Variants in ATG5 observed in about 807,000 individuals in gnomAD.
The protein encoded by ATG5 is autophagy protein 5.
Under a neutral mutation model 36.5 loss-of-function variants are expected in ATG5, and 14 were observed. That is an observed-to-expected ratio of 0.38 (90% confidence interval 0.25 to 0.60). The LOEUF (loss-of-function observed/expected upper bound fraction) is 0.60, where lower values mean the gene tolerates loss of function less well. Ranked by LOEUF, ATG5 falls within the 20% of genes least tolerant of loss-of-function variation. The pLI is 0.60. For missense variants in ATG5, 195 were observed against 326.7 expected, an observed-to-expected ratio of 0.60 and a Z score of 3.11; for synonymous variants, 95 against 101.5, an observed-to-expected ratio of 0.94 and a Z score of 0.38.
chr6:106,207,843 C>T (rs543911961), intron 6 of ATG5, among the ~76,000 whole-genome samples: 2 of 152,062 alleles, frequency 1.3e-5, no homozygotes, highest in Non-Finnish European at 2.9e-5. Flanking sequence ...CCTGTAATTC[C>T]AGCACTTTGG....
At chr6:106,306,858 A>G (rs1770466552) in intron 3 of ATG5, among the ~76,000 whole-genome samples, 1 of 152,210 alleles carries the variant, frequency 6.6e-6, no homozygotes. Context: ...TGAGAAATAA[A>G]AAGAAATGGG....
intron 1 of ATG5, among the ~76,000 whole-genome samples, chr6:106,319,265 A>G (rs755851969): frequency 6.6e-5 from 10 of 152,216 alleles, no homozygotes; most frequent in Non-Finnish European, 1.0e-4. Flanking sequence ...TTAAAAGTCA[A>G]CATTTAAAGA....
At chr6:106,245,398 T>C (rs1229600346) in intron 6 of ATG5, among the ~76,000 whole-genome samples, 3 of 152,144 alleles carry the variant, frequency 2.0e-5, no homozygotes, top group East Asian at 1.9e-4. Context: ...GTTCTGAAAA[T>C]TCTACAAACT....
At chr6:106,231,179 TTTAAA>T (rs1272978379) in intron 6 of ATG5, among the ~76,000 whole-genome samples, 1 of 152,204 alleles carries the variant, frequency 6.6e-6, no homozygotes. Context: ...TCTCTCAGAC[TTTAAA>T]TTAAAATAGA....
At chr6:106,262,748 G>T (rs977951982) in intron 5 of ATG5, among the ~76,000 whole-genome samples, 1 of 152,196 alleles carries the variant, frequency 6.6e-6, no homozygotes, top group Non-Finnish European at 1.5e-5. Context: ...CCCAGGATGT[G>T]CAAGAAGCCA....
intron 6 of ATG5, among the ~76,000 whole-genome samples, chr6:106,244,577 A>G (rs1224557084): frequency 2.6e-5 from 4 of 152,210 alleles, no homozygotes; most frequent in East Asian, 3.8e-4. Context: ...CTCCCAAACT[A>G]GAACAAATTC....
At chr6:106,198,497 C>T (rs1776290220) in intron 7 of ATG5, among the ~76,000 whole-genome samples, 2 of 152,092 alleles carry the variant, frequency 1.3e-5, no homozygotes, top group South Asian at 4.1e-4. Flanking sequence ...GAAGACAAGG[C>T]TGGGCATGGT....
chr6:106,216,956 G>A (rs1777063709), intron 6 of ATG5, among the ~76,000 whole-genome samples: 1 of 145,050 alleles, frequency 6.9e-6, no homozygotes, highest in Non-Finnish European at 1.5e-5. Flanking sequence ...CAAGTAAGCT[G>A]TTATTAAAAA....
chr6:106,274,820 CA>C (rs1260713067), intron 5 of ATG5, among the ~76,000 whole-genome samples: 2 of 152,054 alleles, frequency 1.3e-5, no homozygotes, highest in African/African-American at 2.4e-5. Flanking sequence ...GCTGGGGATA[CA>C]AAAATGTAAG....
chr6:106,287,660 A>T (rs1189572270), intron 4 of ATG5, among the ~76,000 whole-genome samples: 1 of 152,168 alleles, frequency 6.6e-6, no homozygotes, highest in Non-Finnish European at 1.5e-5. Flanking sequence ...TTTATTTAGG[A>T]TTTGCAACAG....
chr6:106,306,570 C>G (rs1770454634), intron 3 of ATG5, among the ~76,000 whole-genome samples: 1 of 152,128 alleles, frequency 6.6e-6, no homozygotes. Flanking sequence ...TTATCAAATT[C>G]AAAATGTCAG....
chr6:106,214,667 A>G (rs1231298624), intron 6 of ATG5, among the ~76,000 whole-genome samples: 1 of 152,192 alleles, frequency 6.6e-6, no homozygotes, highest in Non-Finnish European at 1.5e-5. Flanking sequence ...GTACTTTGTC[A>G]TACAAACACT....
At chr6:106,270,638 C>T (rs1779420578) in intron 5 of ATG5, among the ~76,000 whole-genome samples, 1 of 152,200 alleles carries the variant, frequency 6.6e-6, no homozygotes, top group African/African-American at 2.4e-5. Flanking sequence ...ATTATGCATT[C>T]TCCATCTGCT....
intron 7 of ATG5, among the ~76,000 whole-genome samples, chr6:106,194,600 G>A (rs1036638327): frequency 1.3e-5 from 2 of 151,296 alleles, no homozygotes; most frequent in Non-Finnish European, 2.9e-5. Context: ...CTGCAATGGC[G>A]CATTCCAGGT....
intron 6 of ATG5, among the ~76,000 whole-genome samples, chr6:106,226,133 C>A (rs1234178401): frequency 6.6e-6 from 1 of 152,114 alleles, no homozygotes; most frequent in Non-Finnish European, 1.5e-5. Context: ...CACACATAGG[C>A]CCCTGGCAAA....
intron 1 of ATG5, among the ~76,000 whole-genome samples, chr6:106,321,553 T>C (rs1015862109): frequency 2.0e-5 from 3 of 151,878 alleles, no homozygotes; most frequent in African/African-American, 7.3e-5. Flanking sequence ...AGAGACGGGA[T>C]TTCACCGTGT....
At chr6:106,269,026 T>G (rs1423716741) in intron 5 of ATG5, among the ~76,000 whole-genome samples, 3 of 152,160 alleles carry the variant, frequency 2.0e-5, no homozygotes, top group African/African-American at 7.2e-5. Flanking sequence ...TGCACATGTA[T>G]CCTAGAACTT....
intron 6 of ATG5, among the ~76,000 whole-genome samples, chr6:106,208,379 G>T (rs1384180381): frequency 6.6e-6 from 1 of 151,036 alleles, no homozygotes; most frequent in African/African-American, 2.4e-5. Context: ...CCATCACCAG[G>T]GCCACTAGTT....
At chr6:106,207,763 A>G (rs1481513443) in intron 6 of ATG5, among the ~76,000 whole-genome samples, 3 of 152,166 alleles carry the variant, frequency 2.0e-5, no homozygotes, top group African/African-American at 7.2e-5. Flanking sequence ...ATATACAGTT[A>G]CATGATGCAA....
Sources: allele counts gnomAD v4.1 joint callset (sites outside exome capture counted in the v4.1 genomes callset), GRCh38; gene constraint gnomAD v4.1.1; transcripts MANE v1.5; gene names NCBI Gene and HGNC (gene_info 2026-07-23, HGNC 2026-07-21).